The following FBXO25 variants were observed in gnomAD, a reference collection of about 807,000 sequenced individuals.
The protein encoded by FBXO25 is F-box protein 25, also known as F-box only protein 25.
FBXO25 carries 45 observed loss-of-function variants against 51.9 expected under a neutral mutation model. The observed-to-expected ratio is 0.87, with a 90% confidence interval of 0.68 to 1.11. FBXO25 has a LOEUF of 1.11. Ranked by LOEUF, FBXO25 falls within the 50% of genes most tolerant of loss-of-function variation. The pLI, the probability that FBXO25 is intolerant of heterozygous loss-of-function variation, is 0.00. For synonymous variants in FBXO25, 199 were observed against 151.0 expected (o/e 1.32, Z -2.33); for missense variants, 507 against 428.5 (o/e 1.18, Z -1.62).
intron 3 of FBXO25, 110 bp from the exon 4 acceptor site, chr8:432,776 A>G (rs1797890548): frequency 7.8e-7 from 1 of 1,285,708 alleles, no homozygotes; most frequent in Non-Finnish European, 1.0e-6. Context: ...TCTTGTCAAT[A>G]TAGTAAGTCA....
Position 450,888 on chromosome 8 carries a change from C to G in FBXO25, c.476-381C>G, listed in dbSNP as rs188377741. The stretch of plus-strand genomic sequence containing the variant: ...ACCTCTTCATTGTCCCAAACTGAAA[C>G]TCATACCACCTTAAACACTGAGTCC... On this transcript the variant is annotated intron_variant, in intron 6 of 9. Coordinates refer to ENST00000350302, the MANE Select transcript of FBXO25 (RefSeq NM_183420.2). 74 of 184,012 alleles carry G rather than the reference C, an allele frequency of 4.0e-4. 1 individual carries two copies. Among genetic ancestry groups the G allele is most frequent in the African/African-American group, 1.7e-3 (72 of 41,964 alleles). 11.4% of individuals were successfully genotyped at this position (184,012 alleles called of 1,614,324 possible). A position where few individuals can be genotyped will look rare whatever the true frequency, so the allele number is the denominator to read the frequency against.
At chr8:418,333 CTTT>C (rs1207244013) in intron 2 of FBXO25, among the ~76,000 whole-genome samples, 11 of 72,328 alleles carry the variant, frequency 1.5e-4, no homozygotes, top group South Asian at 1.2e-3. Context: ...TTTGTTTGTT[CTTT>C]TTTTTTTTTT....
chr8:470,047 CACT>C lies in FBXO25; in HGVS notation c.*1244_*1246del, dbSNP rs772444953. On this transcript the variant is annotated 3_prime_UTR_variant, in exon 10 of 10. Transcript: ENST00000350302. ...ATAAGACCATAAATGTCCCGTATAC[CACT>C]GTTACTTCACAACGCCCCCCGTCCC... The C allele has an allele frequency of 6.6e-6, 1 of 151,664 alleles. No individual in the cohort carries two copies. The highest frequency in any genetic ancestry group is 1.5e-5 in the Non-Finnish European group (1 of 68,002). 9.4% of individuals were successfully genotyped at this position (151,664 alleles called of 1,614,324 possible).
chr8:408,087 A>G (rs903571030), intron 1 of FBXO25, among the ~76,000 whole-genome samples: 1 of 152,324 alleles, frequency 6.6e-6, no homozygotes, highest in African/African-American at 2.4e-5. Flanking sequence ...ATCTGTGATT[A>G]TCTGTAAGTC....
Position 471,032 on chromosome 8 carries a change from C to A in FBXO25, c.*2228C>A, listed in dbSNP as rs1290194357. ...TGTTAGATGTTATAACAGTTCTCAG[C>A]TGTGCTATCAAATCACAGATGTGCA... On this transcript the variant is annotated 3_prime_UTR_variant, in exon 10 of 10. Transcript: ENST00000350302. 6.6e-6 allele frequency: 1 copy of A among 152,198 alleles called. No individual in the cohort carries two copies. The highest frequency in any genetic ancestry group is 2.4e-5 in the African/African-American group (1 of 41,442). 9.4% of individuals were successfully genotyped at this position (152,198 alleles called of 1,614,324 possible).
chr8:476,198 C>G lies in FBXO25; in HGVS notation c.*7394C>G, dbSNP rs1175806753. 1 of 152,116 alleles carries G rather than the reference C, an allele frequency of 6.6e-6. No individual in the cohort carries two copies. Among genetic ancestry groups the G allele is most frequent in the Non-Finnish European group, 1.5e-5 (1 of 68,032 alleles). The allele number at this position is 152,116 out of a possible 1,614,324, so 9.4% of individuals were successfully genotyped here. On this transcript the variant is annotated 3_prime_UTR_variant, in exon 10 of 10. Coordinates refer to ENST00000350302, the MANE Select transcript of FBXO25 (RefSeq NM_183420.2). ...ACTTGAGCATGTTGAAACATCTTTG[C>G]ATACCAGCTGTAAATCTTACTTGGC... is the stretch of plus-strand genomic sequence containing the variant.
rs368583906 is a variant in FBXO25 at position 458,455 on chromosome 8, C to G, written c.747C>G (p.Ile249Met). The G allele has an allele frequency of 3.1e-6, 5 of 1,614,066 alleles. No homozygotes were observed. The African/African-American group carries it at 6.7e-5, about 22-fold the overall frequency. The change falls in exon 8 of 10, where the codon ATC becomes ATG. Residue 249 changes from isoleucine to methionine, a missense_variant. Physicochemically the swap from Ile to Met is conservative, Grantham distance 10. Coordinates refer to ENST00000350302, the MANE Select transcript of FBXO25 (RefSeq NM_183420.2). ...ILYRFSDGWD[I>M]ITLGQVTPTL... ...ACCGGTTCTCAGACGGATGGGACAT[C>G]ATCACCTTAGGCCAGGTGACCCCCA...
At chr8:452,965 G>A (rs1276416348) in intron 7 of FBXO25, among the ~76,000 whole-genome samples, 1 of 151,476 alleles carries the variant, frequency 6.6e-6, no homozygotes, top group Non-Finnish European at 1.5e-5. Flanking sequence ...CGGGCTGAGG[G>A]ATAATAGTGC....
intron 5 of FBXO25, among the ~76,000 whole-genome samples, chr8:436,601 T>C (rs947351583): frequency 6.6e-6 from 1 of 152,190 alleles, no homozygotes; most frequent in African/African-American, 2.4e-5. Flanking sequence ...TGGACTTCCC[T>C]GGTGTTTTCT....
chr8:428,945 A>G (rs1797656321), intron 2 of FBXO25, among the ~76,000 whole-genome samples: 1 of 152,166 alleles, frequency 6.6e-6, no homozygotes, highest in African/African-American at 2.4e-5. Context: ...TCATCCACTG[A>G]TGGACATGTG....
chr8:422,094 C>T (rs1284773771), intron 2 of FBXO25, among the ~76,000 whole-genome samples: 1 of 152,158 alleles, frequency 6.6e-6, no homozygotes, highest in Non-Finnish European at 1.5e-5. Flanking sequence ...TTGACAGATG[C>T]AGCAAGGTGA....
rs192073562 is a variant in FBXO25, at chr8:430,202, T to C, written c.135-1139T>C. Among the ~76,000 whole-genome samples the C allele has an allele frequency of 1.0e-3, 153 of 152,392 alleles. 3 individuals carry two copies. The South Asian group carries it at 0.018, about 18-fold the overall frequency. ...GTAATTTTCGTTAGAAAAACCGTTA[T>C]AGATTCTAAAGCTTCTACATTCAGT... On this transcript the variant is annotated intron_variant, in intron 2 of 9. Coordinates refer to ENST00000350302, the MANE Select transcript of FBXO25 (RefSeq NM_183420.2).
chr8:461,978 G>A (rs1483186810), intron 8 of FBXO25, among the ~76,000 whole-genome samples: 1 of 152,196 alleles, frequency 6.6e-6, no homozygotes, highest in Non-Finnish European at 1.5e-5. Flanking sequence ...GAGTTTGTGT[G>A]TAGATGCATG....
chr8:409,925 C>G (rs1442832707), intron 1 of FBXO25, among the ~76,000 whole-genome samples: 2 of 152,124 alleles, frequency 1.3e-5, no homozygotes, highest in Admixed American at 1.3e-4. Flanking sequence ...TGTACCAGTC[C>G]TCTGATAAAC....
rs200299799 is a variant in FBXO25 at position 435,667 on chromosome 8, G to A, written c.341G>A (p.Ser114Asn). The change falls in exon 5 of 10, where the codon AGT becomes AAT. Residue 114 changes from serine to asparagine, a missense_variant. Ser to Asn is a conservative substitution (Grantham distance 46). Coordinates refer to ENST00000350302, the MANE Select transcript of FBXO25 (RefSeq NM_183420.2). ...GEAFNRLDFS[S>N]AIQDIRRFNY... The stretch of plus-strand genomic sequence containing the variant: ...GCCTTTAATCGGTTAGACTTCTCAA[G>A]TGCAATTCAAGATATCCGAAGGTTC... 1.2e-4 allele frequency: 200 copies of A among 1,601,896 alleles called. No homozygotes were observed. Among genetic ancestry groups the A allele is most frequent in the Middle Eastern group, 6.8e-4 (3 of 4,396 alleles).
chr8:420,764 G>T (rs1022992030), intron 2 of FBXO25, among the ~76,000 whole-genome samples: 4 of 152,230 alleles, frequency 2.6e-5, no homozygotes, highest in Non-Finnish European at 4.4e-5. Flanking sequence ...ATCAGTGGTT[G>T]CCAGGGGTTA....
At position 458,321 on chromosome 8, in the gene FBXO25, A is replaced by G. The variant is rs768299604; in HGVS notation, c.661-48A>G. The stretch of plus-strand genomic sequence containing the variant: ...TTGACTCTTCAGTTACTGTGTGAAC[A>G]AACATTGGCCATCTTCTCAGTGAGT... On this transcript the variant is annotated intron_variant, in intron 7 of 9. Transcript: ENST00000350302. 3.8e-6 allele frequency: 6 copies of G among 1,586,440 alleles called. No individual in the cohort carries two copies. In the African/African-American group the frequency reaches 8.1e-5, roughly 21 times the overall value.
Position 473,927 on chromosome 8 carries a change from A to G in FBXO25, c.*5123A>G, listed in dbSNP as rs1254471070. 1 of 152,254 alleles carries G rather than the reference A, an allele frequency of 6.6e-6. No homozygotes were observed. The highest frequency in any genetic ancestry group is 2.4e-5 in the African/African-American group (1 of 41,458). The allele number at this position is 152,254 out of a possible 1,614,324, so 9.4% of individuals were successfully genotyped here. A position where few individuals can be genotyped will look rare whatever the true frequency, so the allele number is the denominator to read the frequency against. On this transcript the variant is annotated 3_prime_UTR_variant, in exon 10 of 10. Coordinates refer to ENST00000350302, the MANE Select transcript of FBXO25 (RefSeq NM_183420.2). The stretch of plus-strand genomic sequence containing the variant: ...GTCAATTCTAATGTCATTTAAAAGA[A>G]TTTGACATGTTAAAATACACGTGAA...
rs202002021 is a variant in FBXO25 at position 464,988 on chromosome 8, G to T, written c.987+1838G>T. Reference sequence around the variant, plus strand: ...TCGATTTGGTGAAGTCAGCAAATCAGTTCATCAGTAAGATTATGGATATAC... The same window carrying T: ...TCGATTTGGTGAAGTCAGCAAATCATTTCATCAGTAAGATTATGGATATAC... On this transcript the variant is annotated intron_variant, in intron 9 of 9. Coordinates refer to ENST00000350302, the MANE Select transcript of FBXO25 (RefSeq NM_183420.2). 5.3e-5 allele frequency among the ~76,000 whole-genome samples: 8 copies of T among 152,312 alleles called. No homozygotes were observed. In the East Asian group the frequency reaches 1.5e-3, roughly 29 times the overall value.
Sources: allele counts gnomAD v4.1 joint callset (sites outside exome capture counted in the v4.1 genomes callset), GRCh38; gene constraint gnomAD v4.1.1; transcripts MANE v1.5; gene names NCBI Gene and HGNC (gene_info 2026-07-23, HGNC 2026-07-21).